The following SLC25A26 variants were observed in gnomAD, a reference collection of about 807,000 sequenced individuals.
The protein encoded by SLC25A26 is solute carrier family 25 member 26, also known as mitochondrial S-adenosylmethionine carrier protein.
SLC25A26 carries 36 observed loss-of-function variants against 37.8 expected under a neutral mutation model. The observed-to-expected ratio is 0.95, with a 90% CI of 0.73 to 1.26. SLC25A26 has a LOEUF of 1.26. Ranked by LOEUF, SLC25A26 falls within the 50% of genes most tolerant of loss-of-function variation. The pLI is 0.00. For missense variants in SLC25A26, 390 were observed against 331.1 expected (o/e 1.18, Z -1.38); for synonymous variants, 129 against 122.5 (o/e 1.05, Z -0.35).
intron 5 of SLC25A26, among the ~76,000 whole-genome samples, chr3:66,321,893 T>G (rs1016358153): frequency 6.6e-6 from 1 of 152,134 alleles, no homozygotes; most frequent in South Asian, 2.1e-4. Flanking sequence ...AGAAATTACC[T>G]GTTCATTATC....
At chr3:66,226,168 G>A (rs1576660356) in intron 1 of SLC25A26, among the ~76,000 whole-genome samples, 1 of 152,304 alleles carries the variant, frequency 6.6e-6, no homozygotes, top group Admixed American at 6.5e-5. Context: ...AAAGGGAAGA[G>A]GTTTAATGGA....
intron 6 of SLC25A26, among the ~76,000 whole-genome samples, chr3:66,362,557 C>G (rs1415018593): frequency 6.6e-6 from 1 of 152,160 alleles, no homozygotes; most frequent in Non-Finnish European, 1.5e-5. Context: ...TACAAGAAAA[C>G]TTGTGGGTCA....
intron 1 of SLC25A26, among the ~76,000 whole-genome samples, chr3:66,186,995 C>A (rs1486930683): frequency 1.3e-5 from 2 of 152,038 alleles, no homozygotes; most frequent in Non-Finnish European, 2.9e-5. Context: ...TGACCAACAT[C>A]TTGACCTGAT....
intron 1 of SLC25A26, among the ~76,000 whole-genome samples, chr3:66,205,518 C>T (rs963898617): frequency 1.3e-5 from 2 of 152,116 alleles, no homozygotes; most frequent in Admixed American, 6.6e-5. Flanking sequence ...TGTGTCTACC[C>T]GCACTCAGAA....
At chr3:66,274,693 A>G (rs1428715350) in intron 5 of SLC25A26, among the ~76,000 whole-genome samples, 2 of 152,238 alleles carry the variant, frequency 1.3e-5, no homozygotes, top group Non-Finnish European at 2.9e-5. Context: ...AATCAAAACC[A>G]CAATGAGATA....
At chr3:66,202,738 A>C (rs1463237887) in intron 1 of SLC25A26, among the ~76,000 whole-genome samples, 1 of 152,132 alleles carries the variant, frequency 6.6e-6, no homozygotes, top group Non-Finnish European at 1.5e-5. Context: ...TTTTAAAAAA[A>C]ACATTTTAAA....
At chr3:66,357,297 C>A (rs1465292104) in intron 6 of SLC25A26, among the ~76,000 whole-genome samples, 2 of 152,082 alleles carry the variant, frequency 1.3e-5, no homozygotes, top group Non-Finnish European at 2.9e-5. Context: ...GCCCATAGTC[C>A]CAGTTACTCA....
intron 5 of SLC25A26, among the ~76,000 whole-genome samples, chr3:66,326,634 G>A (rs2075844714): frequency 6.6e-6 from 1 of 152,168 alleles, no homozygotes; most frequent in Non-Finnish European, 1.5e-5. Context: ...TTTCATGCTG[G>A]ACAAGCCTGG....
At chr3:66,203,403 T>A (rs1389349150) in intron 1 of SLC25A26, among the ~76,000 whole-genome samples, 1 of 151,714 alleles carries the variant, frequency 6.6e-6, no homozygotes, top group Non-Finnish European at 1.5e-5. Flanking sequence ...AAAAAAAAAC[T>A]TAAGCCCAAT....
intron 5 of SLC25A26, among the ~76,000 whole-genome samples, chr3:66,313,926 G>C (rs759360125): frequency 2.6e-5 from 4 of 152,096 alleles, no homozygotes; most frequent in Admixed American, 2.6e-4. Context: ...CTGCTTGCCT[G>C]TAGTTCGTGT....
intron 5 of SLC25A26, among the ~76,000 whole-genome samples, chr3:66,295,407 T>A (rs555415437): frequency 1.7e-4 from 25 of 146,494 alleles, no homozygotes; most frequent in Non-Finnish European, 2.4e-4. Flanking sequence ...GTATTTTTGT[T>A]TTTTTTTTTT....
intron 5 of SLC25A26, among the ~76,000 whole-genome samples, chr3:66,284,514 A>G (rs1050152201): frequency 1.3e-5 from 2 of 152,166 alleles, no homozygotes; most frequent in African/African-American, 4.8e-5. Flanking sequence ...ACCAAGAGAC[A>G]CATGCAACAA....
intron 5 of SLC25A26, among the ~76,000 whole-genome samples, chr3:66,327,627 T>A (rs2075870375): frequency 6.6e-6 from 1 of 152,352 alleles, no homozygotes; most frequent in East Asian, 1.9e-4. Flanking sequence ...AAGGATGATT[T>A]TTTTTTCATG....
chr3:66,277,216 C>G (rs938243674), intron 5 of SLC25A26, among the ~76,000 whole-genome samples: 2 of 152,104 alleles, frequency 1.3e-5, no homozygotes, highest in African/African-American at 4.8e-5. Flanking sequence ...ATACCAAACC[C>G]TGCTTCCCAC....
In SLC25A26 at chr3:66,306,103, G is replaced by A. The variant is rs1408023038; in HGVS notation, c.454-40261G>A. Among the ~76,000 whole-genome samples the A allele has an allele frequency of 2.0e-5, 3 of 152,176 alleles. No homozygotes were observed. The East Asian group carries it at 5.8e-4, about 29-fold the overall frequency. On this transcript the variant is annotated intron_variant, in intron 5 of 9. Transcript: ENST00000354883. Reference sequence around the variant, plus strand: ...AATTTCAAGCAGTTCTCCTGCGTCAGCCTCCCGAGTAGCTGGGACTACAGG... The same window carrying A: ...AATTTCAAGCAGTTCTCCTGCGTCAACCTCCCGAGTAGCTGGGACTACAGG...
intron 1 of SLC25A26, among the ~76,000 whole-genome samples, chr3:66,195,271 G>T (rs1359171752): frequency 2.6e-5 from 4 of 152,306 alleles, no homozygotes; most frequent in Admixed American, 2.0e-4. Flanking sequence ...TAATCCCTTT[G>T]ACCCTGTCCT....
In SLC25A26 at chr3:66,246,655, A is replaced by G. The variant is rs535657056; in HGVS notation, c.300+3343A>G. ...CCATGAGACTGGAGATACAACAGAT[A>G]AGGACATTCTTACCTACATTGTGTC... On this transcript the variant is annotated intron_variant, in intron 3 of 9. Coordinates refer to ENST00000354883, the MANE Select transcript of SLC25A26 (RefSeq NM_001379210.1). 9.2e-5 allele frequency among the ~76,000 whole-genome samples: 14 copies of G among 152,246 alleles called. 1 individual carries two copies. The South Asian group carries it at 2.5e-3, about 27-fold the overall frequency.
At chr3:66,232,335 C>A (rs1019384331) in intron 1 of SLC25A26, among the ~76,000 whole-genome samples, 3 of 151,794 alleles carry the variant, frequency 2.0e-5, no homozygotes. Context: ...ATTGCCTGGT[C>A]CTGTCTTTTG....
intron 2 of SLC25A26, among the ~76,000 whole-genome samples, chr3:66,242,669 GTTTTTAGAGA>G (rs1002331746): frequency 1.7e-5 from 2 of 115,918 alleles, no homozygotes; most frequent in Non-Finnish European, 4.6e-5. Flanking sequence ...CTTTTTAGAG[GTTTTTAGAGA>G]TTTTAATTAA....
Sources: allele counts gnomAD v4.1 joint callset (sites outside exome capture counted in the v4.1 genomes callset), GRCh38; gene constraint gnomAD v4.1.1; transcripts MANE v1.5; gene names NCBI Gene and HGNC (gene_info 2026-07-23, HGNC 2026-07-21).